ARNT: variants seen among roughly 807,000 people sequenced by gnomAD.
The protein encoded by ARNT is aryl hydrocarbon receptor nuclear translocator, also known as class E basic helix-loop-helix protein 2.
In ARNT, 30 loss-of-function variants were observed where a neutral mutation model predicts 105.0. The observed-to-expected ratio is 0.29, with a 90% CI of 0.21 to 0.39. The LOEUF is 0.39. Ranked by LOEUF, ARNT falls within the 10% of genes least tolerant of loss-of-function variation. The pLI is 1.00. For missense variants in ARNT, 748 were observed against 978.7 expected (o/e 0.76, Z 3.15); for synonymous variants, 304 against 344.0 (o/e 0.88, Z 1.29).
intron 10 of ARNT, 52 bp downstream of exon 10, chr1:150,831,766 T>C: frequency 7.8e-7 from 1 of 1,285,110 alleles, no homozygotes; most frequent in South Asian, 1.3e-5. Flanking sequence ...TCATGGACTC[T>C]GTGAGGAACC....
At chr1:150,816,919 C>A (rs2101607378) in intron 17 of ARNT, 29 bp from the exon 18 acceptor site, 2 of 1,605,562 alleles carry the variant, frequency 1.2e-6, no homozygotes, top group East Asian at 2.2e-5. Context: ...TGGGGAAGGG[C>A]CAGTCAAGGG....
chr1:150,815,202 T>C (rs2101574289), intron 19 of ARNT, among the ~76,000 whole-genome samples: 1 of 152,188 alleles, frequency 6.6e-6, no homozygotes, highest in Admixed American at 6.5e-5. Flanking sequence ...TTAAAGAATC[T>C]TTCTTTAGAC....
intron 6 of ARNT, 125 bp from the exon 7 acceptor site, chr1:150,836,618 C>T: frequency 5.3e-6 from 5 of 941,100 alleles, no homozygotes; most frequent in Non-Finnish European, 7.8e-6. Context: ...TGGTTCACAC[C>T]TGATCCACAG....
chr1:150,871,464 C>T (rs894459956), intron 1 of ARNT, among the ~76,000 whole-genome samples: 10 of 150,692 alleles, frequency 6.6e-5, no homozygotes, highest in African/African-American at 2.4e-4. Flanking sequence ...CCATGCCTGG[C>T]TAATTTTTGT....
chr1:150,867,879 T>C (rs1470867680), intron 1 of ARNT, among the ~76,000 whole-genome samples: 1 of 152,128 alleles, frequency 6.6e-6, no homozygotes, highest in East Asian at 1.9e-4. Context: ...CATGCTTGCT[T>C]CCCCTTCGCC....
chr1:150,826,493 G>C (rs776444164), intron 13 of ARNT, 50 bp downstream of exon 13: 1 of 1,423,320 alleles, frequency 7.0e-7, no homozygotes, highest in Admixed American at 1.7e-5. Flanking sequence ...AATATTTATG[G>C]AGTGAATATG....
chr1:150,865,942 A>C (rs1666499881), intron 1 of ARNT, among the ~76,000 whole-genome samples: 1 of 151,634 alleles, frequency 6.6e-6, no homozygotes, highest in African/African-American at 2.4e-5. Flanking sequence ...TCTAAATTAG[A>C]ATTTATTTTC....
intron 14 of ARNT, 73 bp from the exon 15 acceptor site, chr1:150,818,103 A>T (rs1656326475): frequency 1.9e-6 from 2 of 1,076,230 alleles, no homozygotes; most frequent in Non-Finnish European, 1.4e-6. Context: ...AAAGAGAAGA[A>T]TAAGATTCTG....
At chr1:150,874,695 A>G (rs1359024581) in intron 1 of ARNT, among the ~76,000 whole-genome samples, 1 of 152,168 alleles carries the variant, frequency 6.6e-6, no homozygotes, top group Non-Finnish European at 1.5e-5. Context: ...ACCCTGTAGC[A>G]AAAGAAAAAG....
intron 5 of ARNT, among the ~76,000 whole-genome samples, chr1:150,841,084 G>A (rs1478178882): frequency 2.7e-5 from 4 of 150,274 alleles, no homozygotes; most frequent in Non-Finnish European, 1.5e-5. Flanking sequence ...AGGTAGCTGG[G>A]ACTACAGGCG....
Position 150,829,960 on chromosome 1 carries a change from C to A in ARNT, c.976G>T (p.Asp326Tyr). Residue 326 changes from aspartate to tyrosine, a missense_variant, in exon 11 of 22, where the codon GAC becomes TAC. Around this residue, in one of 4 missense-constraint regions of ARNT, gnomAD observed 291 missense variants for 444.6 expected, o/e 0.65. Transcript: ENST00000358595. ...PPAGVSLPDD[D>Y]PEAGQGSKFC... ...TTGCTTCCCTGGCCAGCCTCTGGGT[C>A]ATCATCTGGGAGGGAAACACCTTCA... 1 of 1,614,210 alleles carries A rather than the reference C, an allele frequency of 6.2e-7. No individual in the cohort carries two copies. Among genetic ancestry groups the A allele is most frequent in the South Asian group, 1.1e-5 (1 of 91,072 alleles).
At chr1:150,870,798 C>A (rs587671765) in intron 1 of ARNT, among the ~76,000 whole-genome samples, 1 of 152,148 alleles carries the variant, frequency 6.6e-6, no homozygotes, top group Non-Finnish European at 1.5e-5. Flanking sequence ...TATGAGCCAC[C>A]ATGTCCAGCC....
At chr1:150,829,423 C>T (rs587770873) in intron 11 of ARNT, 196 bp from the exon 12 acceptor site, 4 of 620,614 alleles carry the variant, frequency 6.4e-6, no homozygotes, top group Admixed American at 5.8e-5. Context: ...TGCTCCCATA[C>T]ATTTACACTT....
At chr1:150,828,959 G>T in intron 12 of ARNT, 134 bp downstream of exon 12, 1 of 1,036,706 alleles carries the variant, frequency 9.6e-7, no homozygotes, top group Non-Finnish European at 1.4e-6. Context: ...ATAATGTTAG[G>T]TACTAACAGA....
At chr1:150,861,080 G>A (rs1030673817) in intron 1 of ARNT, among the ~76,000 whole-genome samples, 30 of 152,176 alleles carry the variant, frequency 2.0e-4, no homozygotes, top group African/African-American at 6.7e-4. Flanking sequence ...TCATTAAGAT[G>A]ACTATTATCC....
intron 8 of ARNT, among the ~76,000 whole-genome samples, chr1:150,832,949 C>T (rs1659607972): frequency 6.6e-6 from 1 of 152,166 alleles, no homozygotes. Context: ...TCTCCCTATC[C>T]TTTAAAACAA....
intron 4 of ARNT, among the ~76,000 whole-genome samples, chr1:150,844,630 CTT>C (rs1661848668): frequency 6.6e-6 from 1 of 151,970 alleles, no homozygotes; most frequent in Admixed American, 6.6e-5. Flanking sequence ...TAGCTACAAA[CTT>C]AATTTTCAAA....
At chr1:150,864,754 A>G (rs957536136) in intron 1 of ARNT, among the ~76,000 whole-genome samples, 4 of 146,252 alleles carry the variant, frequency 2.7e-5, no homozygotes, top group African/African-American at 9.9e-5. Context: ...CTAAAACTTA[A>G]AGTATAATAA....
chr1:150,861,325 A>G (rs1409342700), intron 1 of ARNT: 4 of 402,208 alleles, frequency 9.9e-6, no homozygotes, highest in Non-Finnish European at 1.9e-5. Context: ...GCAAGACAAC[A>G]TCGCAAAAAA....
Sources: allele counts gnomAD v4.1 joint callset (sites outside exome capture counted in the v4.1 genomes callset), GRCh38; gene constraint gnomAD v4.1.1; regional missense constraint gnomAD v4.1.1; transcripts MANE v1.5; gene names NCBI Gene and HGNC (gene_info 2026-07-23, HGNC 2026-07-21).